The following NCK1 variants were observed in gnomAD, a reference collection of about 807,000 sequenced individuals.
The protein encoded by NCK1 is SH2/SH3 adapter protein NCK1.
In NCK1, 19 loss-of-function variants were observed where a neutral mutation model predicts 36.6. That is an observed-to-expected ratio of 0.52 (90% CI 0.36 to 0.76). The LOEUF is 0.76. NCK1 is among the 30% of genes least tolerant of loss of function. The pLI, the probability that NCK1 is intolerant of heterozygous loss-of-function variation, is 0.00. For synonymous variants in NCK1, 165 were observed against 156.0 expected (o/e 1.06, Z -0.43); for missense variants, 358 against 445.6 (o/e 0.80, Z 1.77).
At chr3:136,947,839 A>C (rs958503842) in intron 3 of NCK1, among the ~76,000 whole-genome samples, 5 of 152,152 alleles carry the variant, frequency 3.3e-5, no homozygotes, top group African/African-American at 7.2e-5. Flanking sequence ...TAAGACAGCT[A>C]CTGTTAGCTA....
intron 2 of NCK1, among the ~76,000 whole-genome samples, chr3:136,934,656 CT>C (rs1430283945): frequency 1.3e-5 from 2 of 152,188 alleles, no homozygotes; most frequent in African/African-American, 4.8e-5. Context: ...TCCTACTCTC[CT>C]TTGCCCACCC....
intron 2 of NCK1, among the ~76,000 whole-genome samples, chr3:136,939,877 G>T (rs1436000607): frequency 7.5e-6 from 1 of 132,572 alleles, no homozygotes; most frequent in African/African-American, 2.8e-5. Context: ...TAGAGACAGG[G>T]TCTCTCTTTG....
intron 2 of NCK1, among the ~76,000 whole-genome samples, chr3:136,938,104 T>C (rs149824392): frequency 6.6e-6 from 1 of 152,326 alleles, no homozygotes; most frequent in East Asian, 1.9e-4. Flanking sequence ...CTGAGCATTG[T>C]TATCATGAAA....
chr3:136,908,481 GA>G (rs1483434486), intron 1 of NCK1, among the ~76,000 whole-genome samples: 3 of 152,160 alleles, frequency 2.0e-5, no homozygotes, highest in Non-Finnish European at 4.4e-5. Flanking sequence ...TTTGGATATG[GA>G]AACAGGGTTG....
chr3:136,917,160 G>T (rs1406840521), intron 1 of NCK1, among the ~76,000 whole-genome samples: 1 of 151,946 alleles, frequency 6.6e-6, no homozygotes. Context: ...CATCCTATGG[G>T]CTGCATGCAG....
chr3:136,941,121 T>C (rs969463906), intron 2 of NCK1, among the ~76,000 whole-genome samples: 3 of 146,156 alleles, frequency 2.1e-5, no homozygotes, highest in Admixed American at 6.8e-5. Context: ...TTTTTCTTTT[T>C]TTTTTTTTTT....
Position 136,928,024 on chromosome 3 carries a change from T to C in NCK1, c.23T>C (p.Val8Ala), listed in dbSNP as rs939753298. Residue 8 changes from valine to alanine, a missense_variant, in exon 2 of 4, where the codon GTA becomes GCA. By Grantham distance (64) the Val-to-Ala change is moderately conservative. Coordinates refer to ENST00000481752, the MANE Select transcript of NCK1 (RefSeq NM_001291999.2). ...AAGATGGCAGAAGAAGTGGTGGTAG[T>C]AGCCAAATTTGATTATGTGGCCCAA... is the stretch of plus-strand genomic sequence containing the variant. MAEEVVV[V>A]AKFDYVAQQE... 1 of 1,613,926 alleles carries C rather than the reference T, an allele frequency of 6.2e-7. No individual in the cohort carries two copies. The highest frequency in any genetic ancestry group is 1.3e-5 in the African/African-American group (1 of 74,926).
intron 1 of NCK1, among the ~76,000 whole-genome samples, chr3:136,883,803 A>G (rs1242540113): frequency 6.6e-6 from 1 of 152,178 alleles, no homozygotes; most frequent in Non-Finnish European, 1.5e-5. Context: ...GTCAGTGTAA[A>G]TGGAACAGAA....
intron 1 of NCK1, among the ~76,000 whole-genome samples, chr3:136,895,397 C>T (rs35339486): frequency 0.68 from 103,183 of 151,384 alleles, 35,421 homozygotes; most frequent in East Asian, 0.87. Context: ...AATTGCCATA[C>T]CACCTTTTTT....
Position 136,882,144 on chromosome 3 carries a change from G to A in NCK1, c.-19+19791G>A, listed in dbSNP as rs993229754. 4.6e-5 allele frequency among the ~76,000 whole-genome samples: 7 copies of A among 151,744 alleles called. No homozygotes were observed. In the South Asian group the frequency reaches 1.2e-3, roughly 27 times the overall value. On this transcript the variant is annotated intron_variant, in intron 1 of 3. Coordinates refer to ENST00000481752, the MANE Select transcript of NCK1 (RefSeq NM_001291999.2). ...GCACCATTTTACATTACCACCAACCGTGCATAAGAGTTCCAATATCATTAC... is the reference window on the plus strand; with the variant it reads ...GCACCATTTTACATTACCACCAACCATGCATAAGAGTTCCAATATCATTAC...
At chr3:136,938,456 A>C (rs147659917) in intron 2 of NCK1, among the ~76,000 whole-genome samples, 1 of 152,130 alleles carries the variant, frequency 6.6e-6, no homozygotes, top group African/African-American at 2.4e-5. Context: ...AGTTGAGGCA[A>C]TGTTCTTCCT....
intron 2 of NCK1, among the ~76,000 whole-genome samples, chr3:136,939,242 G>A (rs1458809482): frequency 1.3e-5 from 2 of 151,906 alleles, no homozygotes; most frequent in Non-Finnish European, 2.9e-5. Context: ...TTTTCTTCTA[G>A]GTTTTTTAAT....
intron 1 of NCK1, among the ~76,000 whole-genome samples, chr3:136,913,424 A>G (rs950894598): frequency 2.0e-5 from 3 of 151,862 alleles, no homozygotes; most frequent in Non-Finnish European, 4.4e-5. Flanking sequence ...GTGCACCACT[A>G]TGCCTGCCTA....
intron 1 of NCK1, among the ~76,000 whole-genome samples, chr3:136,902,541 A>G (rs771667760): frequency 6.6e-6 from 1 of 152,188 alleles, no homozygotes; most frequent in Non-Finnish European, 1.5e-5. Flanking sequence ...CTGAGGAGAT[A>G]CTTGATACGA....
rs531827182 is a variant in NCK1, at chr3:136,915,747, A to G, written c.-18-12237A>G. Among the ~76,000 whole-genome samples, 261 of 149,380 alleles carry G rather than the reference A, an allele frequency of 1.7e-3. 2 individuals are homozygous for G. Among genetic ancestry groups the G allele is most frequent in the African/African-American group, 6.0e-3 (244 of 40,452 alleles). ...TTGCTTTTGTTTTTTTTTTTTTGAGATGGAGTCTCACTCCGTCATCCAGGC... is the reference window on the plus strand; with the variant it reads ...TTGCTTTTGTTTTTTTTTTTTTGAGGTGGAGTCTCACTCCGTCATCCAGGC... On this transcript the variant is annotated intron_variant, in intron 1 of 3. Transcript: ENST00000481752.
chr3:136,864,484 T>TCA lies in NCK1; in HGVS notation c.-19+2142_-19+2143dup, dbSNP rs56853411. 5.2e-3 allele frequency among the ~76,000 whole-genome samples: 137 copies of TCA among 26,096 alleles called. No individual in the cohort carries two copies. The East Asian group carries it at 0.14, about 27-fold the overall frequency. 17.1% of individuals were successfully genotyped at this position (26,096 alleles called of 152,430 possible). On this transcript the variant is annotated intron_variant, in intron 1 of 3. Transcript: ENST00000481752. ...AGCCTGGCAACAGAGCAAGATTCCG[T>TCA]CACACACACACAAAAAAAAAACAGA...
At chr3:136,865,898 C>A (rs772309873) in intron 1 of NCK1, among the ~76,000 whole-genome samples, 1 of 152,188 alleles carries the variant, frequency 6.6e-6, no homozygotes, top group Non-Finnish European at 1.5e-5. Flanking sequence ...TTTCAATTAC[C>A]CAGACACAAA....
At chr3:136,929,929 G>A (rs906219977) in intron 2 of NCK1, among the ~76,000 whole-genome samples, 5 of 152,108 alleles carry the variant, frequency 3.3e-5, no homozygotes, top group Non-Finnish European at 5.9e-5. Flanking sequence ...GTATTCTGAT[G>A]TTATTGAGAC....
chr3:136,945,511 A>G, intron 2 of NCK1, 72 bp from the exon 3 acceptor site: 1 of 1,100,116 alleles, frequency 9.1e-7, no homozygotes, highest in Non-Finnish European at 1.3e-6. Context: ...TCTTTTTAAT[A>G]ATGAATAAGT....
Sources: gnomAD v4.1 joint callset for allele counts (sites outside exome capture counted in the v4.1 genomes callset) on GRCh38, gnomAD v4.1.1 for gene constraint, MANE v1.5 for transcripts, NCBI Gene and HGNC (gene_info 2026-07-23, HGNC 2026-07-21) for gene names.